The following OOSP3 variants were observed in gnomAD, a reference collection of about 807,000 sequenced individuals.
OOSP3 encodes the protein oocyte-secreted protein 3.
chr11:59,887,025 C>T (rs769208287), intron 2 of OOSP3, among the ~76,000 whole-genome samples: 50 of 152,040 alleles, frequency 3.3e-4, no homozygotes, highest in African/African-American at 1.1e-3. Flanking sequence ...GAACTCCTGC[C>T]CTCAAGTGAT....
intron 3 of OOSP3, among the ~76,000 whole-genome samples, chr11:59,895,065 A>G (rs1043189270): frequency 6.6e-6 from 1 of 152,152 alleles, no homozygotes; most frequent in Non-Finnish European, 1.5e-5. Context: ...ATGTTTTCTT[A>G]ATATACTATG....
At chr11:59,884,475 G>GTC (rs60145654) in intron 2 of OOSP3, among the ~76,000 whole-genome samples, 1,845 of 113,822 alleles carry the variant, frequency 0.016, 23 homozygotes, top group South Asian at 0.025. Flanking sequence ...CTGTCTGTCT[G>GTC]TCTCTCTCTC....
intron 2 of OOSP3, among the ~76,000 whole-genome samples, chr11:59,886,254 A>G (rs1232398647): frequency 6.6e-6 from 1 of 152,156 alleles, no homozygotes; most frequent in Non-Finnish European, 1.5e-5. Flanking sequence ...ATAGTATTCC[A>G]TGGTATGTAT....
intron 2 of OOSP3, among the ~76,000 whole-genome samples, chr11:59,887,497 T>C (rs1853273688): frequency 6.6e-6 from 1 of 152,234 alleles, no homozygotes; most frequent in South Asian, 2.1e-4. Context: ...AGGGATCCAG[T>C]TTCAATTTTC....
At chr11:59,894,936 G>T (rs1017099467) in intron 3 of OOSP3, among the ~76,000 whole-genome samples, 1 of 152,100 alleles carries the variant, frequency 6.6e-6, no homozygotes, top group African/African-American at 2.4e-5. Context: ...AGCCTAAGTT[G>T]TTCTCTATTC....
At chr11:59,881,849 C>T (rs1249219655) in intron 2 of OOSP3, among the ~76,000 whole-genome samples, 1 of 151,942 alleles carries the variant, frequency 6.6e-6, no homozygotes, top group Non-Finnish European at 1.5e-5. Flanking sequence ...CCAGTCTGGG[C>T]AACAGAGCAA....
At chr11:59,881,630 T>C (rs1440800745) in intron 2 of OOSP3, among the ~76,000 whole-genome samples, 1 of 152,002 alleles carries the variant, frequency 6.6e-6, no homozygotes, top group Non-Finnish European at 1.5e-5. Flanking sequence ...AAAAATAGTA[T>C]ATTTTGGGAG....
intron 2 of OOSP3, among the ~76,000 whole-genome samples, chr11:59,890,248 T>C (rs1853298730): frequency 6.6e-6 from 1 of 152,204 alleles, no homozygotes; most frequent in Admixed American, 6.5e-5. Flanking sequence ...ATTCTGTGTC[T>C]TTTAATTGGG....
chr11:59,894,042 C>T, intron 2 of OOSP3, 37 bp from the exon 3 acceptor site: 2 of 398,344 alleles, frequency 5.0e-6, no homozygotes, highest in Non-Finnish European at 8.9e-6. Context: ...TCCTGTGTGA[C>T]ATGACATCAA....
chr11:59,889,227 A>AT (rs554885801), intron 2 of OOSP3, among the ~76,000 whole-genome samples: 4,264 of 134,072 alleles, frequency 0.032, 186 homozygotes, highest in African/African-American at 0.098. Flanking sequence ...TATTTTGTTG[A>AT]TTTTTTTTTT....
At chr11:59,892,318 C>A (rs1853319258) in intron 2 of OOSP3, among the ~76,000 whole-genome samples, 1 of 152,084 alleles carries the variant, frequency 6.6e-6, no homozygotes, top group Non-Finnish European at 1.5e-5. Context: ...ATCACCTGAT[C>A]CTGCTTTTTC....
chr11:59,895,845 A>ATC (rs1853351408), intron 4 of OOSP3, among the ~76,000 whole-genome samples, 193 bp downstream of exon 4: 1 of 152,232 alleles, frequency 6.6e-6, no homozygotes, highest in African/African-American at 2.4e-5. Context: ...GTCTACATAT[A>ATC]TCCTGGTCTT....
At chr11:59,886,434 T>A (rs1041568984) in intron 2 of OOSP3, among the ~76,000 whole-genome samples, 1 of 152,234 alleles carries the variant, frequency 6.6e-6, no homozygotes, top group African/African-American at 2.4e-5. Context: ...ATCAAATGCA[T>A]GTATCCTTGT....
intron 2 of OOSP3, among the ~76,000 whole-genome samples, chr11:59,893,179 T>C (rs1045419371): frequency 6.6e-6 from 1 of 152,258 alleles, no homozygotes; most frequent in African/African-American, 2.4e-5. Context: ...TCTATATTTC[T>C]ATTCTTTTTG....
At chr11:59,880,484 G>T (rs536963428) in intron 2 of OOSP3, 45 bp downstream of exon 2, 13 of 398,184 alleles carry the variant, frequency 3.3e-5, no homozygotes, top group African/African-American at 2.3e-4. Context: ...CCCCTAGGTT[G>T]TACCTTGCAG....
intron 2 of OOSP3, among the ~76,000 whole-genome samples, chr11:59,890,936 T>A (rs1853306250): frequency 1.3e-5 from 2 of 152,214 alleles, no homozygotes; most frequent in Non-Finnish European, 2.9e-5. Flanking sequence ...TTGGTCTTTT[T>A]CCATAGTCCA....
intron 2 of OOSP3, among the ~76,000 whole-genome samples, chr11:59,883,320 C>G (rs118082980): frequency 2.2e-3 from 334 of 152,302 alleles, no homozygotes; most frequent in Admixed American, 6.6e-3. Context: ...AAACAAAACA[C>G]TGAAACGCCA....
intron 2 of OOSP3, among the ~76,000 whole-genome samples, chr11:59,888,567 G>C (rs1209018721): frequency 6.6e-6 from 1 of 152,052 alleles, no homozygotes; most frequent in Non-Finnish European, 1.5e-5. Context: ...TGTGGTTTTT[G>C]TCTTTAGTTC....
chr11:59,881,080 G>A (rs1396039052), intron 2 of OOSP3, among the ~76,000 whole-genome samples: 1 of 152,082 alleles, frequency 6.6e-6, no homozygotes, highest in African/African-American at 2.4e-5. Flanking sequence ...TGGAAGTTTT[G>A]GCCAGGCATG....
Sources: allele counts gnomAD v4.1 joint callset (sites outside exome capture counted in the v4.1 genomes callset), GRCh38; gene constraint gnomAD v4.1.1; transcripts MANE v1.5; gene names NCBI Gene and HGNC (gene_info 2026-07-23, HGNC 2026-07-21).